FOXP2: variants seen among roughly 807,000 people sequenced by gnomAD.
FOXP2 encodes forkhead box P2, also known as forkhead box protein P2.
In FOXP2, 12 loss-of-function variants were observed where a neutral mutation model predicts 115.8. The ratio of observed to expected loss-of-function variants is 0.10; its 90% CI spans 0.07 to 0.17. FOXP2 has a LOEUF of 0.17. Among genes scored for constraint, FOXP2 ranks in the 10% least tolerant of loss-of-function variants. The probability of loss-of-function intolerance (pLI) is 1.00; values close to 1 mark genes in which losing one functional copy is unlikely to be tolerated. For synonymous variants in FOXP2, 328 were observed against 297.7 expected, an observed-to-expected ratio of 1.10 and a Z score of -1.05; for missense variants, 629 against 843.5, an observed-to-expected ratio of 0.75 and a Z score of 3.15.
In FOXP2 at chr7:114,336,577, A is replaced by C. The variant is rs115894169; in HGVS notation, c.-11+48468A>C. Among the ~76,000 whole-genome samples, 973 of 151,642 alleles carry C rather than the reference A, an allele frequency of 6.4e-3. 7 individuals are homozygous for C. Among genetic ancestry groups the C allele is most frequent in the African/African-American group, 0.023 (940 of 41,502 alleles). ...CCATCTTGAAATAAGGATTTCTTGC[A>C]CCCTAGTTTCAAGAATACACTGGTG... On this transcript the variant is annotated intron_variant, in intron 2 of 17. Transcript: ENST00000634411.
At chr7:114,394,081 C>G (rs994121282) in intron 2 of FOXP2, among the ~76,000 whole-genome samples, 4 of 151,340 alleles carry the variant, frequency 2.6e-5, no homozygotes, top group Non-Finnish European at 4.4e-5. Flanking sequence ...ACTCCAAAAG[C>G]AATTAGCACA....
At chr7:114,367,036 G>A (rs1791898253) in intron 2 of FOXP2, among the ~76,000 whole-genome samples, 1 of 152,076 alleles carries the variant, frequency 6.6e-6, no homozygotes, top group Non-Finnish European at 1.5e-5. Flanking sequence ...TAGAGCATGT[G>A]CATTGTGCAG....
chr7:114,165,013 T>C (rs999956882), intron 1 of FOXP2, among the ~76,000 whole-genome samples: 1 of 152,134 alleles, frequency 6.6e-6, no homozygotes, highest in African/African-American at 2.4e-5. Context: ...AACTAGACTT[T>C]AGTGTTTGGA....
chr7:114,689,032 C>G lies in FOXP2; in HGVS notation c.2004-750C>G, dbSNP rs1355762854. Among the ~76,000 whole-genome samples, 7 of 151,956 alleles carry G rather than the reference C, an allele frequency of 4.6e-5. No homozygotes were observed. In the South Asian group the frequency reaches 1.5e-3, roughly 32 times the overall value. ...TTTCCACCAGGTGCTATCTGTGAAC[C>G]TTCATAGCTTTTCTCAGATCACAGT... On this transcript the variant is annotated intron_variant, in intron 16 of 16. Coordinates refer to ENST00000350908, the MANE Select transcript of FOXP2 (RefSeq NM_014491.4).
At chr7:114,531,906 G>A (rs970837809) in intron 2 of FOXP2, among the ~76,000 whole-genome samples, 6 of 151,840 alleles carry the variant, frequency 4.0e-5, no homozygotes, top group South Asian at 2.1e-4. Flanking sequence ...CAGACATTAC[G>A]TAGCATTGAC....
At position 114,477,442 on chromosome 7, in the gene FOXP2, G is replaced by A. The variant is rs527827793; in HGVS notation, c.168+50763G>A. Among the ~76,000 whole-genome samples the A allele has an allele frequency of 2.2e-4, 34 of 152,060 alleles. No individual in the cohort carries two copies. The South Asian group carries it at 2.3e-3, about 10-fold the overall frequency. ...TCCCACATGTCCTCACTTATAAATAGGAGCTAAGCATTGCACACACATGGA... is the reference window on the plus strand; with the variant it reads ...TCCCACATGTCCTCACTTATAAATAAGAGCTAAGCATTGCACACACATGGA... On this transcript the variant is annotated intron_variant, in intron 2 of 16. Coordinates refer to ENST00000350908, the MANE Select transcript of FOXP2 (RefSeq NM_014491.4).
chr7:114,531,683 G>C (rs142979936), intron 2 of FOXP2, among the ~76,000 whole-genome samples: 1 of 151,904 alleles, frequency 6.6e-6, no homozygotes, highest in East Asian at 1.9e-4. Context: ...TTTTTTCTAA[G>C]AGTTTGTATT....
chr7:114,115,406 A>C (rs1025949753), intron 1 of FOXP2, among the ~76,000 whole-genome samples: 1 of 152,098 alleles, frequency 6.6e-6, no homozygotes, highest in South Asian at 2.1e-4. Context: ...TTTCTTTTAG[A>C]GAAATGACCA....
chr7:114,655,795 G>C (rs957530803), intron 10 of FOXP2, among the ~76,000 whole-genome samples: 6 of 152,112 alleles, frequency 3.9e-5, no homozygotes, highest in Non-Finnish European at 5.9e-5. Context: ...ATCAGTACAT[G>C]AACACAAGGT....
rs373499036 is a variant in FOXP2, at chr7:114,244,873, T to C, written c.-101-43146T>C. Among the ~76,000 whole-genome samples, 29 of 152,096 alleles carry C rather than the reference T, an allele frequency of 1.9e-4. No individual in the cohort carries two copies. In the East Asian group the frequency reaches 4.1e-3, roughly 21 times the overall value. On this transcript the variant is annotated intron_variant, in intron 1 of 17. Transcript: ENST00000634411. ...GCCTCCCGGGTTCACGCCATTCTCCTGCCTCAGCCTCCCGAGTAGCTAGGA... is the reference window on the plus strand; with the variant it reads ...GCCTCCCGGGTTCACGCCATTCTCCCGCCTCAGCCTCCCGAGTAGCTAGGA...
intron 2 of FOXP2, among the ~76,000 whole-genome samples, chr7:114,342,319 T>C (rs569311075): frequency 1.3e-5 from 2 of 151,530 alleles, no homozygotes; most frequent in East Asian, 1.9e-4. Flanking sequence ...TTACACATGA[T>C]AGTATTTATA....
At chr7:114,206,067 C>G (rs1405515259) in intron 1 of FOXP2, among the ~76,000 whole-genome samples, 1 of 152,110 alleles carries the variant, frequency 6.6e-6, no homozygotes, top group Non-Finnish European at 1.5e-5. Flanking sequence ...AAAAGGCTAT[C>G]CCAGTCCTGG....
At chr7:114,139,600 T>C (rs2084643) in intron 1 of FOXP2, among the ~76,000 whole-genome samples, 22,983 of 152,124 alleles carry the variant, frequency 0.15, 2,382 homozygotes, top group East Asian at 0.4. Flanking sequence ...TGGTCAAATA[T>C]TCTCCACCAA....
chr7:114,618,145 C>A (rs544840827), intron 3 of FOXP2, among the ~76,000 whole-genome samples: 1 of 152,332 alleles, frequency 6.6e-6, no homozygotes, highest in East Asian at 1.9e-4. Flanking sequence ...CCATGCCACA[C>A]TGCAGTCTAA....
intron 1 of FOXP2, among the ~76,000 whole-genome samples, chr7:114,139,372 A>C (rs1228055246): frequency 6.6e-6 from 1 of 152,280 alleles, no homozygotes; most frequent in South Asian, 2.1e-4. Context: ...TACCAGGTTC[A>C]ACTTCTGCCC....
At chr7:114,629,332 A>G (rs1277605870) in intron 4 of FOXP2, among the ~76,000 whole-genome samples, 2 of 152,194 alleles carry the variant, frequency 1.3e-5, no homozygotes, top group Non-Finnish European at 2.9e-5. Context: ...TTTTTTATAT[A>G]TAATTACTTT....
intron 3 of FOXP2, among the ~76,000 whole-genome samples, chr7:114,568,593 T>C (rs1191609585): frequency 6.6e-6 from 1 of 151,880 alleles, no homozygotes; most frequent in Non-Finnish European, 1.5e-5. Flanking sequence ...GAGCTAAAAA[T>C]GGGGAACATT....
intron 3 of FOXP2, among the ~76,000 whole-genome samples, chr7:114,581,776 T>A (rs1450478546): frequency 6.6e-6 from 1 of 152,208 alleles, no homozygotes; most frequent in Admixed American, 6.5e-5. Context: ...GCATTCCTTC[T>A]TCCCCCTAGT....
chr7:114,573,892 T>C (rs1483489874), intron 3 of FOXP2, among the ~76,000 whole-genome samples: 1 of 151,680 alleles, frequency 6.6e-6, no homozygotes, highest in Non-Finnish European at 1.5e-5. Flanking sequence ...TAAACAGGGG[T>C]CAAAAGCTCT....
Sources: gnomAD v4.1 joint callset for allele counts (sites outside exome capture counted in the v4.1 genomes callset) on GRCh38, gnomAD v4.1.1 for gene constraint, MANE v1.5 for transcripts, NCBI Gene and HGNC (gene_info 2026-07-23, HGNC 2026-07-21) for gene names.